The following CACNA2D3 variants were observed in gnomAD, a reference collection of about 807,000 sequenced individuals.
The protein encoded by CACNA2D3 is calcium voltage-gated channel auxiliary subunit alpha2delta 3.
A neutral mutation model predicts 160.6 loss-of-function variants in CACNA2D3; 60 were observed. That is an observed-to-expected ratio of 0.37 (90% CI 0.30 to 0.46). The LOEUF is 0.46. Among genes scored for constraint, CACNA2D3 ranks in the 20% least tolerant of loss-of-function variants. The pLI is 1.00. For missense variants in CACNA2D3, 1,205 were observed against 1,365.0 expected, an observed-to-expected ratio of 0.88 and a Z score of 1.85; for synonymous variants, 558 against 492.9, an observed-to-expected ratio of 1.13 and a Z score of -1.75.
At chr3:54,411,470 G>A (rs148114138) in intron 4 of CACNA2D3, among the ~76,000 whole-genome samples, 1 of 152,292 alleles carries the variant, frequency 6.6e-6, no homozygotes, top group East Asian at 1.9e-4. Flanking sequence ...TCAACATGGA[G>A]TCAAGACCCT....
chr3:54,380,144 G>T (rs1239689300), intron 3 of CACNA2D3, among the ~76,000 whole-genome samples: 2 of 152,098 alleles, frequency 1.3e-5, no homozygotes, highest in Admixed American at 6.5e-5. Context: ...CTGACCCTTG[G>T]TACAAGACAA....
chr3:54,290,353 A>T (rs1402485479), intron 2 of CACNA2D3, among the ~76,000 whole-genome samples: 1 of 152,202 alleles, frequency 6.6e-6, no homozygotes, highest in Non-Finnish European at 1.5e-5. Context: ...TCAAAACCAC[A>T]TTGAGATACC....
At chr3:54,357,845 A>G (rs1559459763) in intron 3 of CACNA2D3, among the ~76,000 whole-genome samples, 1 of 152,238 alleles carries the variant, frequency 6.6e-6, no homozygotes, top group Non-Finnish European at 1.5e-5. Context: ...GATTCCAACT[A>G]TATGCCATTC....
intron 1 of CACNA2D3, among the ~76,000 whole-genome samples, chr3:54,123,153 C>G (rs1482803601): frequency 8.2e-6 from 1 of 122,428 alleles, no homozygotes; most frequent in Non-Finnish European, 1.8e-5. Flanking sequence ...CGCCCCACTT[C>G]TTTTTTTGGG....
chr3:54,982,801 C>T (rs549665878), intron 29 of CACNA2D3, among the ~76,000 whole-genome samples: 2 of 151,804 alleles, frequency 1.3e-5, no homozygotes, highest in East Asian at 1.9e-4. Context: ...CTTGACATTG[C>T]CGTGACATTT....
chr3:54,552,859 A>G (rs1421682893), intron 5 of CACNA2D3, among the ~76,000 whole-genome samples: 1 of 152,260 alleles, frequency 6.6e-6, no homozygotes, highest in Non-Finnish European at 1.5e-5. Context: ...TAAAATTGAT[A>G]TATTTATGGC....
intron 2 of CACNA2D3, among the ~76,000 whole-genome samples, chr3:54,296,101 G>T (rs776076474): frequency 1.3e-5 from 2 of 152,162 alleles, no homozygotes; most frequent in East Asian, 3.9e-4. Flanking sequence ...TAGGGTGCAC[G>T]TCCCAGTGGC....
At chr3:54,782,701 GAAAA>G (rs1021693086) in intron 13 of CACNA2D3, among the ~76,000 whole-genome samples, 1 of 146,540 alleles carries the variant, frequency 6.8e-6, no homozygotes, top group African/African-American at 2.5e-5. Context: ...TTGAGAAAAA[GAAAA>G]AAAAAAGTCT....
rs530767021 is a variant in CACNA2D3 at position 55,051,788 on chromosome 3, T to G, written c.2988-21657T>G. On this transcript the variant is annotated intron_variant, in intron 35 of 37. Transcript: ENST00000474759. Reference sequence around the variant, plus strand: ...TGGGCGTAGGACCCTCCGAGCCAGGTGTGGGATATAATCTCGTGGTGCGCC... The same window carrying G: ...TGGGCGTAGGACCCTCCGAGCCAGGGGTGGGATATAATCTCGTGGTGCGCC... 5.3e-4 allele frequency among the ~76,000 whole-genome samples: 80 copies of G among 152,214 alleles called. 1 individual carries two copies. In the East Asian group the frequency reaches 0.015, roughly 29 times the overall value.
intron 3 of CACNA2D3, among the ~76,000 whole-genome samples, chr3:54,370,473 G>A (rs1486179967): frequency 1.3e-5 from 2 of 152,086 alleles, no homozygotes; most frequent in Non-Finnish European, 2.9e-5. Flanking sequence ...CCATATATAA[G>A]GAATGCTTAA....
chr3:54,660,902 C>T (rs1297016545), intron 11 of CACNA2D3, among the ~76,000 whole-genome samples: 1 of 152,184 alleles, frequency 6.6e-6, no homozygotes, highest in Non-Finnish European at 1.5e-5. Flanking sequence ...TCTGCTCACT[C>T]CTCGGGGATT....
chr3:54,758,709 C>G (rs1702024123), intron 12 of CACNA2D3, among the ~76,000 whole-genome samples: 1 of 152,160 alleles, frequency 6.6e-6, no homozygotes. Context: ...CTTCACTGCC[C>G]TGCTAAATCT....
At chr3:54,358,097 A>G (rs2359791) in intron 3 of CACNA2D3, among the ~76,000 whole-genome samples, 3,283 of 152,340 alleles carry the variant, frequency 0.022, 114 homozygotes, top group African/African-American at 0.075. Context: ...TATGTGCTAC[A>G]TTAATGCAAG....
chr3:54,703,243 GAAAA>G (rs143133989), intron 11 of CACNA2D3, among the ~76,000 whole-genome samples: 1 of 149,586 alleles, frequency 6.7e-6, no homozygotes, highest in African/African-American at 2.5e-5. Context: ...AAAGTTGGAA[GAAAA>G]AAAAAGGATA....
At chr3:54,416,661 C>CA (rs1699759167) in intron 4 of CACNA2D3, among the ~76,000 whole-genome samples, 1 of 152,170 alleles carries the variant, frequency 6.6e-6, no homozygotes, top group Non-Finnish European at 1.5e-5. Context: ...TTTTCATATA[C>CA]TGACAGGAGA....
At position 54,411,569 on chromosome 3, in the gene CACNA2D3, C is replaced by T. The variant is rs143891646; in HGVS notation, c.381+24795C>T. ...AAGTATTTTAAAATTAAGGTACACACATTGATTTTTAGACATAATGCTATT... is the reference window on the plus strand; with the variant it reads ...AAGTATTTTAAAATTAAGGTACACATATTGATTTTTAGACATAATGCTATT... On this transcript the variant is annotated intron_variant, in intron 4 of 37. Coordinates refer to ENST00000474759, the MANE Select transcript of CACNA2D3 (RefSeq NM_018398.3). Among the ~76,000 whole-genome samples the T allele has an allele frequency of 3.3e-5, 5 of 152,252 alleles. No homozygotes were observed. In the East Asian group the frequency reaches 9.7e-4, roughly 29 times the overall value.
At chr3:54,762,644 T>A (rs575002557) in intron 12 of CACNA2D3, among the ~76,000 whole-genome samples, 1 of 152,256 alleles carries the variant, frequency 6.6e-6, no homozygotes, top group Admixed American at 6.5e-5. Flanking sequence ...GTTCACCCTT[T>A]CCCTTTTAAC....
chr3:54,921,666 G>A (rs759779921), intron 27 of CACNA2D3, among the ~76,000 whole-genome samples: 33 of 152,098 alleles, frequency 2.2e-4, no homozygotes, highest in Admixed American at 7.2e-4. Context: ...CGTGTAATCC[G>A]CCATGCATTT....
At chr3:54,295,375 T>C (rs893617144) in intron 2 of CACNA2D3, among the ~76,000 whole-genome samples, 1 of 152,154 alleles carries the variant, frequency 6.6e-6, no homozygotes, top group Admixed American at 6.5e-5. Context: ...GAAAGTTTAT[T>C]TTGCCAAGGT....
Sources: gnomAD v4.1 joint callset for allele counts (sites outside exome capture counted in the v4.1 genomes callset) on GRCh38, gnomAD v4.1.1 for gene constraint, MANE v1.5 for transcripts, NCBI Gene and HGNC (gene_info 2026-07-23, HGNC 2026-07-21) for gene names.